N4BP1: variants seen among roughly 807,000 people sequenced by gnomAD.
N4BP1 encodes the protein NEDD4 binding protein 1.
N4BP1 carries 21 observed loss-of-function variants against 70.9 expected under a neutral mutation model. The observed-to-expected ratio is 0.30, with a 90% CI of 0.21 to 0.43. The LOEUF (loss-of-function observed/expected upper bound fraction) is 0.43. N4BP1 is among the 20% of genes least tolerant of loss of function. The pLI is 1.00. For missense variants in N4BP1, 936 were observed against 1,069.4 expected, an observed-to-expected ratio of 0.88 and a Z score of 1.74; for synonymous variants, 387 against 394.6, an observed-to-expected ratio of 0.98 and a Z score of 0.23.
At chr16:48,602,268 A>C (rs1276106619) in intron 1 of N4BP1, among the ~76,000 whole-genome samples, 1 of 152,210 alleles carries the variant, frequency 6.6e-6, no homozygotes, top group Non-Finnish European at 1.5e-5. Flanking sequence ...ACAACAACAA[A>C]AAACTGATGT....
At chr16:48,545,811 A>G (rs1349806037) in intron 6 of N4BP1, among the ~76,000 whole-genome samples, 1 of 152,004 alleles carries the variant, frequency 6.6e-6, no homozygotes, top group Non-Finnish European at 1.5e-5. Flanking sequence ...GGATTCCTTG[A>G]GCTCAGGAGT....
At chr16:48,570,117 A>G (rs957174870) in intron 1 of N4BP1, among the ~76,000 whole-genome samples, 2 of 140,156 alleles carry the variant, frequency 1.4e-5, no homozygotes, top group Admixed American at 1.5e-4. Flanking sequence ...TTGCCACCAC[A>G]TGATTACTTG....
chr16:48,554,019 T>C (rs140381289), intron 2 of N4BP1, among the ~76,000 whole-genome samples: 1 of 152,194 alleles, frequency 6.6e-6, no homozygotes, highest in African/African-American at 2.4e-5. Flanking sequence ...GATGCTGCTG[T>C]GTCCTGTCCC....
chr16:48,577,342 C>T (rs1407492303), intron 1 of N4BP1, among the ~76,000 whole-genome samples: 1 of 151,852 alleles, frequency 6.6e-6, no homozygotes, highest in Non-Finnish European at 1.5e-5. Flanking sequence ...TGCTTTCTTT[C>T]TCTATTGCTC....
At chr16:48,588,358 G>A (rs1964279776) in intron 1 of N4BP1, among the ~76,000 whole-genome samples, 1 of 151,112 alleles carries the variant, frequency 6.6e-6, no homozygotes, top group South Asian at 2.1e-4. Flanking sequence ...GCAATGGCAG[G>A]ATCTTGGCTC....
Position 48,567,044 on chromosome 16 carries a change from T to G in N4BP1, c.199-4600A>C, listed in dbSNP as rs562395143. ...ATCCAGCTTTCTTTTAAATAATGTTTGCATGGCACATGTCTTTCCTCCTCC... is the reference window on the plus strand; with the variant it reads ...ATCCAGCTTTCTTTTAAATAATGTTGGCATGGCACATGTCTTTCCTCCTCC... On this transcript the variant is annotated intron_variant, in intron 1 of 6. Transcript: ENST00000262384. 3.3e-5 allele frequency among the ~76,000 whole-genome samples: 5 copies of G among 152,356 alleles called. No individual in the cohort carries two copies. The East Asian group carries it at 9.6e-4, about 29-fold the overall frequency.
At chr16:48,559,255 CATTT>C (rs767237038) in intron 2 of N4BP1, among the ~76,000 whole-genome samples, 5 of 152,058 alleles carry the variant, frequency 3.3e-5, no homozygotes, top group Non-Finnish European at 5.9e-5. Flanking sequence ...TCAAAAATAA[CATTT>C]ATTTTTCAAT....
intron 6 of N4BP1, 23 bp downstream of exon 6, chr16:48,546,124 A>G: frequency 1.3e-6 from 2 of 1,501,460 alleles, no homozygotes; most frequent in Non-Finnish European, 1.8e-6. Flanking sequence ...TTTTAATACA[A>G]GACAATCTGA....
intron 2 of N4BP1, among the ~76,000 whole-genome samples, chr16:48,554,000 A>T (rs1001305302): frequency 1.1e-4 from 17 of 152,062 alleles, no homozygotes; most frequent in Admixed American, 1.0e-3. Context: ...AACCCCTGCA[A>T]CCTCCGAAGA....
At chr16:48,585,262 A>G (rs534355306) in intron 1 of N4BP1, among the ~76,000 whole-genome samples, 1 of 151,984 alleles carries the variant, frequency 6.6e-6, no homozygotes, top group African/African-American at 2.4e-5. Context: ...TGTTTTTCTC[A>G]CAGAGATTAA....
chr16:48,579,748 C>T (rs1964150393), intron 1 of N4BP1, among the ~76,000 whole-genome samples: 1 of 150,750 alleles, frequency 6.6e-6, no homozygotes, highest in African/African-American at 2.4e-5. Context: ...GTCACACAGA[C>T]TGAAGGTGAA....
intron 1 of N4BP1, among the ~76,000 whole-genome samples, chr16:48,591,334 T>C (rs1253007967): frequency 6.6e-6 from 1 of 152,042 alleles, no homozygotes; most frequent in Non-Finnish European, 1.5e-5. Flanking sequence ...ATTTCCTGTC[T>C]TGAATTTTTC....
intron 4 of N4BP1, among the ~76,000 whole-genome samples, chr16:48,548,622 G>A (rs945146473): frequency 6.6e-6 from 1 of 151,992 alleles, no homozygotes; most frequent in African/African-American, 2.4e-5. Context: ...TGAGGTGGGC[G>A]GATCATTCAA....
At chr16:48,556,606 T>A (rs1363262279) in intron 2 of N4BP1, among the ~76,000 whole-genome samples, 1 of 152,108 alleles carries the variant, frequency 6.6e-6, no homozygotes, top group East Asian at 1.9e-4. Flanking sequence ...TCCATATAAT[T>A]GGTTAAAGGT....
chr16:48,558,788 T>C (rs1282505330), intron 2 of N4BP1, among the ~76,000 whole-genome samples: 2 of 152,208 alleles, frequency 1.3e-5, no homozygotes, highest in African/African-American at 4.8e-5. Context: ...GATATCGCTA[T>C]GCAGCTGCGG....
chr16:48,562,073 TGTGA>T lies in N4BP1; in HGVS notation c.566_569del (p.Leu189HisfsTer18). The stretch of plus-strand genomic sequence containing the variant: ...TTTCAAAGAGATTCTCCTCACCTTG[TGTGA>T]GTGTCAAAAGTTCTTTTTTCAAGGA... On this transcript the variant is annotated frameshift_variant, in exon 2 of 7. Coordinates refer to ENST00000262384, the MANE Select transcript of N4BP1 (RefSeq NM_153029.4). LOFTEE classifies it high-confidence loss of function. 1.2e-6 allele frequency: 2 copies of T among 1,613,844 alleles called. No individual in the cohort carries two copies. Among genetic ancestry groups the T allele is most frequent in the Non-Finnish European group, 1.7e-6 (2 of 1,179,864 alleles).
chr16:48,591,219 C>T (rs1964332270), intron 1 of N4BP1, among the ~76,000 whole-genome samples: 2 of 152,184 alleles, frequency 1.3e-5, no homozygotes, highest in South Asian at 4.1e-4. Flanking sequence ...TTGACAGTGG[C>T]AGCCCAGGTT....
chr16:48,558,136 A>G (rs1963784633), intron 2 of N4BP1, among the ~76,000 whole-genome samples: 1 of 152,188 alleles, frequency 6.6e-6, no homozygotes, highest in Non-Finnish European at 1.5e-5. Flanking sequence ...GAATATGGGT[A>G]AATCTTAATT....
At chr16:48,586,256 C>T (rs1782381423) in intron 1 of N4BP1, among the ~76,000 whole-genome samples, 1 of 152,188 alleles carries the variant, frequency 6.6e-6, no homozygotes, top group African/African-American at 2.4e-5. Context: ...CTCAAACCAT[C>T]TTCACACCTC....
Sources: allele counts gnomAD v4.1 joint callset (sites outside exome capture counted in the v4.1 genomes callset), GRCh38; gene constraint gnomAD v4.1.1; transcripts MANE v1.5; gene names NCBI Gene and HGNC (gene_info 2026-07-23, HGNC 2026-07-21).